Variants in TTC29 observed in about 807,000 individuals in gnomAD.
The protein encoded by TTC29 is tetratricopeptide repeat protein 29.
In TTC29, 49 loss-of-function variants were observed where a neutral mutation model predicts 58.1. The observed-to-expected ratio is 0.84, with a 90% CI of 0.67 to 1.07. The LOEUF is 1.07. Ranked by LOEUF, TTC29 falls within the 50% of genes least tolerant of loss-of-function variation. TTC29 has a pLI of 0.00. For synonymous variants in TTC29, 209 were observed against 196.8 expected (o/e 1.06, Z -0.52); for missense variants, 582 against 555.6 (o/e 1.05, Z -0.48).
At chr4:146,901,891 T>A (rs749271512) in intron 6 of TTC29, among the ~76,000 whole-genome samples, 1 of 152,208 alleles carries the variant, frequency 6.6e-6, no homozygotes, top group Non-Finnish European at 1.5e-5. Context: ...GGGCAGAGAC[T>A]TTGTCTTGTT....
intron 2 of TTC29, among the ~76,000 whole-genome samples, chr4:146,943,395 G>C (rs901604796): frequency 6.6e-6 from 1 of 151,350 alleles, no homozygotes; most frequent in Non-Finnish European, 1.5e-5. Flanking sequence ...GAATGATAAA[G>C]TGGAAAAAAA....
At chr4:146,778,192 T>C (rs1748257403) in intron 11 of TTC29, among the ~76,000 whole-genome samples, 1 of 152,170 alleles carries the variant, frequency 6.6e-6, no homozygotes, top group Non-Finnish European at 1.5e-5. Context: ...TGTAACTTCT[T>C]AATTTATATA....
chr4:146,771,090 A>G (rs1047820516), intron 11 of TTC29, among the ~76,000 whole-genome samples: 1 of 152,114 alleles, frequency 6.6e-6, no homozygotes, highest in African/African-American at 2.4e-5. Flanking sequence ...CATTGATTAA[A>G]TATACACATC....
chr4:146,871,141 C>G (rs1730901755), intron 7 of TTC29, among the ~76,000 whole-genome samples: 1 of 151,842 alleles, frequency 6.6e-6, no homozygotes, highest in Non-Finnish European at 1.5e-5. Context: ...ACACCACGAT[C>G]AAGTGGAATT....
chr4:146,923,201 T>C (rs1307400432), intron 4 of TTC29, among the ~76,000 whole-genome samples: 1 of 151,876 alleles, frequency 6.6e-6, no homozygotes, highest in Admixed American at 6.6e-5. Context: ...AAATTTTTAA[T>C]TTGCCCTCAC....
chr4:146,791,200 T>C (rs528536668), intron 11 of TTC29, among the ~76,000 whole-genome samples: 2 of 152,360 alleles, frequency 1.3e-5, no homozygotes, highest in Admixed American at 1.3e-4. Context: ...ATTGTGCTTT[T>C]CTTTATTGCA....
At chr4:146,806,466 G>C (rs1208644245) in intron 10 of TTC29, among the ~76,000 whole-genome samples, 1 of 152,300 alleles carries the variant, frequency 6.6e-6, no homozygotes, top group Admixed American at 6.5e-5. Context: ...AGACCCATCG[G>C]TGTGCTTTAT....
At chr4:146,751,680 C>G (rs1380353577) in intron 11 of TTC29, among the ~76,000 whole-genome samples, 1 of 151,984 alleles carries the variant, frequency 6.6e-6, no homozygotes, top group African/African-American at 2.4e-5. Flanking sequence ...GATACCAAAA[C>G]GTATAGGATA....
chr4:146,759,828 A>T (rs1746736359), intron 11 of TTC29, among the ~76,000 whole-genome samples: 1 of 152,034 alleles, frequency 6.6e-6, no homozygotes, highest in Admixed American at 6.6e-5. Context: ...TAGCCAACAT[A>T]ACACTGAATG....
intron 3 of TTC29, among the ~76,000 whole-genome samples, chr4:146,939,549 C>T (rs17022151): frequency 0.075 from 11,388 of 152,050 alleles, 1,451 homozygotes; most frequent in African/African-American, 0.26. Context: ...CAAAACTCTA[C>T]GGGAACCATG....
intron 8 of TTC29, 43 bp downstream of exon 8, chr4:146,867,454 TA>T: frequency 1.0e-6 from 1 of 977,570 alleles, no homozygotes; most frequent in Non-Finnish European, 1.4e-6. Context: ...ATAAATATAC[TA>T]AAATAAAAAT....
chr4:146,741,823 T>C (rs1287961704), intron 11 of TTC29, among the ~76,000 whole-genome samples: 15 of 152,224 alleles, frequency 9.9e-5, no homozygotes, highest in Admixed American at 9.8e-4. Flanking sequence ...CCGTCACAAC[T>C]TGAAAGCATT....
At chr4:146,883,398 GTTT>G (rs77936880) in intron 6 of TTC29, among the ~76,000 whole-genome samples, 1 of 150,144 alleles carries the variant, frequency 6.7e-6, no homozygotes, top group Non-Finnish European at 1.5e-5. Flanking sequence ...GTTTCTTTTT[GTTT>G]TTTTTTCAAG....
chr4:146,764,983 C>T (rs910022342), intron 11 of TTC29, among the ~76,000 whole-genome samples: 1 of 152,074 alleles, frequency 6.6e-6, no homozygotes, highest in African/African-American at 2.4e-5. Flanking sequence ...GCCTTGTTAA[C>T]TTTAAGTTTA....
At chr4:146,940,113 C>T (rs73855091) in intron 2 of TTC29, among the ~76,000 whole-genome samples, 11,361 of 152,112 alleles carry the variant, frequency 0.075, 1,440 homozygotes, top group African/African-American at 0.26. Flanking sequence ...TTTTGGCCAA[C>T]TTATTATTTG....
intron 8 of TTC29, among the ~76,000 whole-genome samples, chr4:146,859,143 GA>G (rs1237665055): frequency 6.6e-6 from 1 of 152,132 alleles, no homozygotes; most frequent in East Asian, 1.9e-4. Context: ...ATGCAGACAT[GA>G]AGAAGCCATT....
At chr4:146,768,885 T>C (rs897512714) in intron 11 of TTC29, among the ~76,000 whole-genome samples, 4 of 152,038 alleles carry the variant, frequency 2.6e-5, no homozygotes, top group Non-Finnish European at 4.4e-5. Context: ...AGTTATTGCA[T>C]GTCATAACAA....
chr4:146,904,924 G>T (rs1413573903), intron 5 of TTC29, among the ~76,000 whole-genome samples: 3 of 152,114 alleles, frequency 2.0e-5, no homozygotes, highest in Non-Finnish European at 2.9e-5. Context: ...TTCTAAAACC[G>T]ATTCTATTCC....
At chr4:146,841,120 A>AT (rs1032598333) in intron 8 of TTC29, among the ~76,000 whole-genome samples, 1 of 152,166 alleles carries the variant, frequency 6.6e-6, no homozygotes, top group Non-Finnish European at 1.5e-5. Flanking sequence ...CTACATGCAC[A>AT]TAACAGTAGT....
Sources: gnomAD v4.1 joint callset for allele counts (sites outside exome capture counted in the v4.1 genomes callset) on GRCh38, gnomAD v4.1.1 for gene constraint, MANE v1.5 for transcripts, NCBI Gene and HGNC (gene_info 2026-07-23, HGNC 2026-07-21) for gene names.